Variants in NFATC2 observed in about 807,000 individuals in gnomAD.
NFATC2 encodes the protein nuclear factor of activated T-cells, cytoplasmic 2.
A neutral mutation model predicts 87.3 loss-of-function variants in NFATC2; 22 were observed. The observed-to-expected ratio is 0.25, with a 90% CI of 0.18 to 0.36. The LOEUF (loss-of-function observed/expected upper bound fraction) is 0.36, where lower values mean the gene tolerates loss of function less well. NFATC2 is among the 10% of genes least tolerant of loss of function. NFATC2 has a pLI of 1.00. For synonymous variants in NFATC2, 565 were observed against 542.2 expected, an observed-to-expected ratio of 1.04 and a Z score of -0.58; for missense variants, 1,149 against 1,259.1, an observed-to-expected ratio of 0.91 and a Z score of 1.32.
chr20:51,422,039 T>A (rs1981004008), intron 9 of NFATC2, among the ~76,000 whole-genome samples: 1 of 152,326 alleles, frequency 6.6e-6, no homozygotes, highest in African/African-American at 2.4e-5. Flanking sequence ...CAACAGAACC[T>A]CTACTTTGCC....
intron 9 of NFATC2, among the ~76,000 whole-genome samples, chr20:51,427,657 C>G (rs1982043299): frequency 6.6e-6 from 1 of 152,168 alleles, no homozygotes; most frequent in Admixed American, 6.5e-5. Context: ...GGAGCAAGCC[C>G]ACGTCTCCGA....
At chr20:51,467,301 A>G (rs2146484854) in intron 5 of NFATC2, among the ~76,000 whole-genome samples, 1 of 152,334 alleles carries the variant, frequency 6.6e-6, no homozygotes, top group East Asian at 1.9e-4. Context: ...TCACGCCCGT[A>G]ATCCCAACAG....
intron 9 of NFATC2, among the ~76,000 whole-genome samples, chr20:51,418,377 T>A (rs1021754056): frequency 3.9e-5 from 6 of 152,220 alleles, no homozygotes; most frequent in Non-Finnish European, 5.9e-5. Flanking sequence ...TGGCCACATC[T>A]GGGGTGCTAC....
chr20:51,387,008 A>G lies in NFATC2; in HGVS notation c.*4488T>C, dbSNP rs1157413125. 1 of 152,278 alleles carries G rather than the reference A, an allele frequency of 6.6e-6. No homozygotes were observed. The highest frequency in any genetic ancestry group is 1.5e-5 in the Non-Finnish European group (1 of 68,050). The allele number at this position is 152,278 out of a possible 1,614,324, so 9.4% of individuals were successfully genotyped here. The stretch of plus-strand genomic sequence containing the variant: ...GCTAAACTATCATGATACAAGCCGT[A>G]TAAAAATACTTTACATATAGGAAAA... On this transcript the variant is annotated 3_prime_UTR_variant, in exon 11 of 11. Transcript: ENST00000371564.
At chr20:51,473,054 A>T (rs1476431550) in intron 5 of NFATC2, among the ~76,000 whole-genome samples, 2 of 152,252 alleles carry the variant, frequency 1.3e-5, no homozygotes, top group African/African-American at 4.8e-5. Context: ...TTAGGTATAA[A>T]GTACGTAAGA....
upstream of NFATC2, among the ~76,000 whole-genome samples, chr20:51,546,788 G>C (rs1459316552): frequency 6.6e-6 from 1 of 152,236 alleles, no homozygotes; most frequent in Non-Finnish European, 1.5e-5. Flanking sequence ...ACCTGACGTA[G>C]ACAGGGAATT....
chr20:51,432,044 G>C lies in NFATC2; in HGVS notation c.2722+23C>G. 1 of 1,511,584 alleles carries C rather than the reference G, an allele frequency of 6.6e-7. No individual in the cohort carries two copies. Among genetic ancestry groups the C allele is most frequent in the Non-Finnish European group, 8.9e-7 (1 of 1,128,668 alleles). The allele number at this position is 1,511,584 out of a possible 1,614,324, so 93.6% of individuals were successfully genotyped here. ...CTTCAGGGCACCATCCTTACAGGCA[G>C]TGACAAAACTCAAGCGTCTTACCAT... On this transcript the variant is annotated intron_variant, in intron 9 of 10. Transcript: ENST00000371564. The surrounding 1 kb of genome is among the most constrained non-coding windows in gnomAD (Gnocchi z 4.6).
In NFATC2 at chr20:51,480,582, T is replaced by C. The variant is rs1324615415; in HGVS notation, c.1333-4922A>G. 6.6e-6 allele frequency among the ~76,000 whole-genome samples: 1 copy of C among 152,108 alleles called. No individual in the cohort carries two copies. The highest frequency in any genetic ancestry group is 2.4e-5 in the African/African-American group (1 of 41,422). ...CTCCCCGGGTAACACCAGAAAGCAG[T>C]GTGGTATAGCTGAAAGCACAAAGTT... On this transcript the variant is annotated intron_variant, in intron 3 of 10. Transcript: ENST00000371564. The surrounding 1 kb of genome is among the most constrained non-coding windows in gnomAD (Gnocchi z 4.2).
chr20:51,415,875 C>G (rs983911811), intron 9 of NFATC2, among the ~76,000 whole-genome samples: 1 of 152,116 alleles, frequency 6.6e-6, no homozygotes, highest in Non-Finnish European at 1.5e-5. Flanking sequence ...GAAAAACTGA[C>G]CCTGGTCTGG....
intron 3 of NFATC2, among the ~76,000 whole-genome samples, chr20:51,514,232 A>G (rs1453228712): frequency 1.3e-5 from 2 of 152,254 alleles, no homozygotes; most frequent in Non-Finnish European, 1.5e-5. Context: ...TGCCTGGTAC[A>G]TAGTAGGTGC....
intron 4 of NFATC2, among the ~76,000 whole-genome samples, chr20:51,474,661 GA>G (rs1457610353): frequency 6.6e-6 from 1 of 152,174 alleles, no homozygotes; most frequent in Non-Finnish European, 1.5e-5. Context: ...TAACGCCTGG[GA>G]AAGCCGAGGG....
At chr20:51,408,318 A>G (rs1026350703) in intron 9 of NFATC2, among the ~76,000 whole-genome samples, 1 of 152,144 alleles carries the variant, frequency 6.6e-6, no homozygotes, top group African/African-American at 2.4e-5. Context: ...GTTCGAGACC[A>G]GCCTGGCCAA....
At position 51,562,613 on chromosome 20, in the gene NFATC2, G is replaced by A. The variant is rs757163631; in HGVS notation, c.17C>T (p.Ala6Val). 58 of 1,551,102 alleles carry A rather than the reference G, an allele frequency of 3.7e-5. No homozygotes were observed. Among genetic ancestry groups the A allele is most frequent in the Non-Finnish European group, 4.7e-5 (54 of 1,146,648 alleles). The stretch of plus-strand genomic sequence containing the variant: ...GGGATGGCAGTGCCCCAGTCTGAAC[G>A]CAGCCTCTCTCTGCATCTGGAGGGC... The change falls in exon 1 of 11, where the codon GCG becomes GTG. Residue 6 changes from alanine (A) to valine (V), a missense_variant. By Grantham distance (64) the Ala-to-Val change is moderately conservative. Transcript: ENST00000414705. This position sits in a 1 kb window ranked among gnomAD's most constrained non-coding sequence, Gnocchi z 5.8.
intron 9 of NFATC2, among the ~76,000 whole-genome samples, chr20:51,399,756 G>GGC (rs1466944143): frequency 6.6e-6 from 1 of 152,190 alleles, no homozygotes; most frequent in Admixed American, 6.5e-5. Context: ...GTGGCCCTAA[G>GGC]GCAGCTCCCA....
chr20:51,442,090 T>C (rs1378050546), intron 6 of NFATC2, among the ~76,000 whole-genome samples: 1 of 152,214 alleles, frequency 6.6e-6, no homozygotes, highest in Non-Finnish European at 1.5e-5. Flanking sequence ...GGGCAGCCCT[T>C]AGGTAGATTT....
At position 51,435,709 on chromosome 20, in the gene NFATC2, C is replaced by T. The variant is rs141219938; in HGVS notation, c.1902G>A (p.Gln634=). The T allele has an allele frequency of 6.2e-7, 1 of 1,609,678 alleles. No homozygotes were observed. The highest frequency in any genetic ancestry group is 8.5e-7 in the Non-Finnish European group (1 of 1,177,950). The change falls in exon 7 of 11, where the codon CAG becomes CAA. Residue 634 remains glutamine (Q), a synonymous_variant. Coordinates refer to ENST00000371564, the MANE Select transcript of NFATC2 (RefSeq NM_012340.5). ...CTCAGGTGCGTCACGTGCTTACGGGCTGGCTCTTGTCCTTATCCACCGTGG... is the reference window on the plus strand; with the variant it reads ...CTCAGGTGCGTCACGTGCTTACGGGTTGGCTCTTGTCCTTATCCACCGTGG... ...MEATVDKDKS[Q]PNMLFVEIPE... is the part of the protein sequence containing the mutation.
intron 1 of NFATC2, among the ~76,000 whole-genome samples, chr20:51,533,713 A>G (rs2076673706): frequency 1.3e-5 from 2 of 152,260 alleles, no homozygotes; most frequent in African/African-American, 4.8e-5. Context: ...CCGCAAGGCC[A>G]GGCGCCCAGG....
intron 1 of NFATC2, among the ~76,000 whole-genome samples, chr20:51,527,181 G>A (rs954715336): frequency 1.3e-5 from 2 of 151,964 alleles, no homozygotes; most frequent in Admixed American, 6.6e-5. Flanking sequence ...GATTACAGAC[G>A]AGAACAACCG....
intron 9 of NFATC2, among the ~76,000 whole-genome samples, chr20:51,422,372 C>T (rs568471341): frequency 6.6e-6 from 1 of 152,122 alleles, no homozygotes; most frequent in Non-Finnish European, 1.5e-5. Flanking sequence ...TCAAATTCAG[C>T]CCTCAGTTTG....
Sources: gnomAD v4.1 joint callset for allele counts (sites outside exome capture counted in the v4.1 genomes callset) on GRCh38, gnomAD v4.1.1 for gene constraint, Gnocchi (gnomAD v3.1) non-coding constraint, MANE v1.5 for transcripts, NCBI Gene and HGNC (gene_info 2026-07-23, HGNC 2026-07-21) for gene names.